The following CDH18 variants were observed in gnomAD, a reference collection of about 807,000 sequenced individuals.
The protein encoded by CDH18 is cadherin-18.
In CDH18, 31 loss-of-function variants were observed where a neutral mutation model predicts 67.9. The observed-to-expected ratio is 0.46, with a 90% CI of 0.34 to 0.62. The LOEUF (loss-of-function observed/expected upper bound fraction) is 0.62. Ranked by LOEUF, CDH18 falls within the 20% of genes least tolerant of loss-of-function variation. The pLI is 0.01. For missense variants in CDH18, 890 were observed against 975.5 expected, an observed-to-expected ratio of 0.91 and a Z score of 1.17; for synonymous variants, 362 against 347.2, an observed-to-expected ratio of 1.04 and a Z score of -0.48.
At chr5:20,379,550 C>T (rs946410141) in intron 1 of CDH18, among the ~76,000 whole-genome samples, 2 of 151,940 alleles carry the variant, frequency 1.3e-5, no homozygotes, top group African/African-American at 4.8e-5. Flanking sequence ...TAAATATATA[C>T]TCAGTTAATT....
At chr5:19,843,272 A>C (rs1782550943) in intron 2 of CDH18, among the ~76,000 whole-genome samples, 1 of 152,134 alleles carries the variant, frequency 6.6e-6, no homozygotes, top group Admixed American at 6.5e-5. Context: ...TGCAGTCTTG[A>C]GACTTGGTAC....
At chr5:20,042,262 A>G (rs1316351918) in intron 2 of CDH18, among the ~76,000 whole-genome samples, 1 of 152,238 alleles carries the variant, frequency 6.6e-6, no homozygotes, top group African/African-American at 2.4e-5. Context: ...AATCCTTCAT[A>G]TTTTGTTGAG....
intron 1 of CDH18, among the ~76,000 whole-genome samples, chr5:20,480,503 T>C (rs55638786): frequency 0.055 from 8,345 of 152,098 alleles, 762 homozygotes; most frequent in African/African-American, 0.19. Flanking sequence ...CTGCAGCCTG[T>C]GCCTCCCAGG....
chr5:19,496,687 C>T (rs546770215), intron 11 of CDH18, among the ~76,000 whole-genome samples: 1 of 151,824 alleles, frequency 6.6e-6, no homozygotes, highest in South Asian at 2.1e-4. Context: ...TGGAAAGTGC[C>T]TGTAGTCCCA....
In CDH18 at chr5:20,517,030, A is replaced by C. The variant is rs147510703; in HGVS notation, c.-580+58432T>G. On this transcript the variant is annotated intron_variant, in intron 1 of 14. Transcript: ENST00000507958. ...AAAGCACATTTTGTAGTCTTTGATC[A>C]TGACAAACGAGAATTATGTATATTT... 1.8e-3 allele frequency among the ~76,000 whole-genome samples: 276 copies of C among 152,074 alleles called. 1 individual carries two copies. Among genetic ancestry groups the C allele is most frequent in the African/African-American group, 5.8e-3 (243 of 41,560 alleles).
intron 3 of CDH18, among the ~76,000 whole-genome samples, chr5:19,785,148 C>T (rs945269723): frequency 5.3e-5 from 8 of 152,074 alleles, no homozygotes; most frequent in East Asian, 1.9e-4. Context: ...ATTGGCTGAA[C>T]GTAAACCTCT....
chr5:19,529,186 T>C (rs1748209738), intron 9 of CDH18, among the ~76,000 whole-genome samples: 1 of 152,012 alleles, frequency 6.6e-6, no homozygotes, highest in Non-Finnish European at 1.5e-5. Flanking sequence ...AGGGATATCC[T>C]AGGAAAAGAA....
At chr5:20,276,273 A>C (rs997752096) in intron 1 of CDH18, among the ~76,000 whole-genome samples, 2 of 152,164 alleles carry the variant, frequency 1.3e-5, no homozygotes, top group African/African-American at 4.8e-5. Context: ...GCTCCAGGAG[A>C]GACTCCTCCC....
At chr5:19,878,396 A>G (rs982259339) in intron 2 of CDH18, among the ~76,000 whole-genome samples, 1 of 152,114 alleles carries the variant, frequency 6.6e-6, no homozygotes, top group Non-Finnish European at 1.5e-5. Context: ...ATACAAACAT[A>G]CGGCACACAA....
intron 2 of CDH18, among the ~76,000 whole-genome samples, chr5:20,078,389 G>T (rs1744137331): frequency 6.6e-6 from 1 of 151,822 alleles, no homozygotes; most frequent in African/African-American, 2.4e-5. Context: ...CTTGAACCAG[G>T]GTGGTAAAGG....
chr5:20,563,981 G>C (rs1758358541), intron 1 of CDH18, among the ~76,000 whole-genome samples: 1 of 152,050 alleles, frequency 6.6e-6, no homozygotes, highest in Non-Finnish European at 1.5e-5. Context: ...TTTAATCTAT[G>C]ACTATTAATA....
intron 1 of CDH18, among the ~76,000 whole-genome samples, chr5:20,388,899 G>T (rs2150111564): frequency 6.6e-6 from 1 of 152,262 alleles, no homozygotes; most frequent in East Asian, 1.9e-4. Flanking sequence ...TAGTTTGATT[G>T]CACTGTGGTC....
chr5:19,642,464 TA>T (rs139869014), intron 5 of CDH18, among the ~76,000 whole-genome samples: 2 of 151,918 alleles, frequency 1.3e-5, no homozygotes, highest in Non-Finnish European at 2.9e-5. Flanking sequence ...CCATAATACT[TA>T]AACAAAAACA....
At chr5:20,130,084 A>ATTATTGTTATTT (rs1409408097) in intron 2 of CDH18, among the ~76,000 whole-genome samples, 1 of 112,028 alleles carries the variant, frequency 8.9e-6, no homozygotes, top group Non-Finnish European at 2.1e-5. Flanking sequence ...TGTTATTATT[A>ATTATTGTTATTT]TTATTATTAT....
chr5:19,547,553 A>G (rs1357540875), intron 8 of CDH18, among the ~76,000 whole-genome samples: 2 of 152,294 alleles, frequency 1.3e-5, no homozygotes, highest in African/African-American at 2.4e-5. Flanking sequence ...TTTTTGCCAG[A>G]GCAATCTCCT....
intron 2 of CDH18, among the ~76,000 whole-genome samples, chr5:19,892,614 G>T (rs547408896): frequency 6.6e-6 from 1 of 152,052 alleles, no homozygotes; most frequent in Non-Finnish European, 1.5e-5. Flanking sequence ...GAATATTGTA[G>T]AAATCATGGA....
chr5:19,989,996 G>T (rs188042952), upstream of CDH18, among the ~76,000 whole-genome samples: 1 of 152,116 alleles, frequency 6.6e-6, no homozygotes, highest in Non-Finnish European at 1.5e-5. Context: ...ATTATATTGC[G>T]CATTATATAT....
intron 1 of CDH18, among the ~76,000 whole-genome samples, chr5:20,435,902 T>G (rs562606188): frequency 1.3e-5 from 2 of 152,160 alleles, no homozygotes; most frequent in East Asian, 3.9e-4. Context: ...AACATCACAA[T>G]TATTATTGAT....
chr5:19,928,186 A>G (rs1470884356), intron 2 of CDH18, among the ~76,000 whole-genome samples: 1 of 152,178 alleles, frequency 6.6e-6, no homozygotes, highest in East Asian at 1.9e-4. Flanking sequence ...CTGCAGTCCA[A>G]AGACACTTAG....
Sources: gnomAD v4.1 joint callset for allele counts (sites outside exome capture counted in the v4.1 genomes callset) on GRCh38, gnomAD v4.1.1 for gene constraint, MANE v1.5 for transcripts, NCBI Gene and HGNC (gene_info 2026-07-23, HGNC 2026-07-21) for gene names.